EPHA6: variants seen among roughly 807,000 people sequenced by gnomAD.
EPHA6 encodes the protein EPH receptor A6.
EPHA6 carries 50 observed loss-of-function variants against 112.0 expected under a neutral mutation model. That is an observed-to-expected ratio of 0.45 (90% CI 0.36 to 0.56). EPHA6 has a LOEUF of 0.56. Among genes scored for constraint, EPHA6 ranks in the 20% least tolerant of loss-of-function variants. The probability of loss-of-function intolerance (pLI) is 0.00; values close to 1 mark genes in which losing one functional copy is unlikely to be tolerated. For synonymous variants in EPHA6, 529 were observed against 490.7 expected, an observed-to-expected ratio of 1.08 and a Z score of -1.03; for missense variants, 1,280 against 1,417.4, an observed-to-expected ratio of 0.90 and a Z score of 1.56.
chr3:97,279,507 A>T (rs2080215482), intron 5 of EPHA6, among the ~76,000 whole-genome samples: 1 of 152,090 alleles, frequency 6.6e-6, no homozygotes, highest in Non-Finnish European at 1.5e-5. Flanking sequence ...ATTTAAAAAA[A>T]AAAAAGCAGG....
intron 12 of EPHA6, among the ~76,000 whole-genome samples, chr3:97,593,133 G>T (rs556972635): frequency 2.0e-5 from 3 of 152,018 alleles, no homozygotes; most frequent in Admixed American, 2.0e-4. Flanking sequence ...AGAGTTGATA[G>T]AGAATTAAAG....
intron 7 of EPHA6, among the ~76,000 whole-genome samples, chr3:97,455,752 T>TA (rs1316169842): frequency 2.0e-5 from 3 of 151,830 alleles, no homozygotes; most frequent in African/African-American, 7.3e-5. Context: ...AGAGGCAAAA[T>TA]AATGCAGTTA....
chr3:96,914,601 G>A (rs758524065), intron 2 of EPHA6, among the ~76,000 whole-genome samples: 12 of 152,128 alleles, frequency 7.9e-5, no homozygotes, highest in East Asian at 5.8e-4. Flanking sequence ...TGAGGATACC[G>A]CTTCATAATG....
chr3:97,142,017 A>G (rs1210832151), intron 3 of EPHA6, among the ~76,000 whole-genome samples: 1 of 152,000 alleles, frequency 6.6e-6, no homozygotes, highest in African/African-American at 2.4e-5. Flanking sequence ...GACTTTGGAA[A>G]CAAGACATCA....
At chr3:97,259,430 G>C (rs762148243) in intron 5 of EPHA6, among the ~76,000 whole-genome samples, 5 of 152,002 alleles carry the variant, frequency 3.3e-5, no homozygotes, top group Non-Finnish European at 7.4e-5. Context: ...TCTTCAAAGT[G>C]ATGTAGGTGT....
rs536580021 is a variant in EPHA6 at position 97,204,027 on chromosome 3, A to G, written c.1115-22237A>G. 2.5e-4 allele frequency among the ~76,000 whole-genome samples: 38 copies of G among 152,258 alleles called. 1 individual carries two copies. In the South Asian group the frequency reaches 7.5e-3, roughly 30 times the overall value. ...AAGAAAAATAATGGCTGAAAGATGC[A>G]TGATGAAAGGTTGTATAATTATGTG... On this transcript the variant is annotated intron_variant, in intron 3 of 17. Coordinates refer to ENST00000389672, the MANE Select transcript of EPHA6 (RefSeq NM_001080448.3).
chr3:97,276,228 C>T (rs952695218), intron 5 of EPHA6, among the ~76,000 whole-genome samples: 1 of 152,128 alleles, frequency 6.6e-6, no homozygotes, highest in Non-Finnish European at 1.5e-5. Context: ...CCGAGGCGAT[C>T]GGGCAGTGTC....
chr3:97,039,869 G>A (rs2045252992), intron 3 of EPHA6, among the ~76,000 whole-genome samples: 1 of 151,910 alleles, frequency 6.6e-6, no homozygotes, highest in African/African-American at 2.4e-5. Context: ...CAGTCTCAAA[G>A]CCAGCCCTCG....
intron 5 of EPHA6, among the ~76,000 whole-genome samples, chr3:97,273,993 T>C (rs967215401): frequency 1.3e-5 from 2 of 152,166 alleles, no homozygotes; most frequent in African/African-American, 4.8e-5. Context: ...GGAGGAGGCC[T>C]GAACAATCCC....
intron 11 of EPHA6, among the ~76,000 whole-genome samples, chr3:97,551,708 A>G (rs1476811356): frequency 2.0e-5 from 3 of 152,170 alleles, no homozygotes; most frequent in Non-Finnish European, 4.4e-5. Flanking sequence ...TGGCTGAACT[A>G]TTCCATTACA....
chr3:97,333,435 T>G (rs1000360731), intron 5 of EPHA6, among the ~76,000 whole-genome samples: 7 of 151,652 alleles, frequency 4.6e-5, no homozygotes, highest in South Asian at 2.1e-4. Flanking sequence ...CAGAAAGAGT[T>G]TTATTTCTTC....
rs935150518 is a variant in EPHA6, at chr3:96,987,638, G to C, written c.759G>C (p.Gln253His). Residue 253 changes from glutamine (Q) to histidine (H), a missense_variant, in exon 3 of 18, where the codon CAG (glutamine) becomes CAC (histidine). Gln to His is a conservative substitution (Grantham distance 24). Coordinates refer to ENST00000389672, the MANE Select transcript of EPHA6 (RefSeq NM_001080448.3). The part of the protein sequence containing the change: ...DTIAADESFT[Q>H]MDLGDRILKL... ...TTGCTGCTGATGAGAGTTTTACCCA[G>C]ATGGATTTGGGTGATCGCATCCTCA... 6.2e-7 allele frequency: 1 copy of C among 1,610,712 alleles called. No individual in the cohort carries two copies. The highest frequency in any genetic ancestry group is 8.5e-7 in the Non-Finnish European group (1 of 1,177,324).
chr3:97,114,801 T>C (rs570857431), intron 3 of EPHA6, among the ~76,000 whole-genome samples: 2 of 152,064 alleles, frequency 1.3e-5, no homozygotes, highest in Admixed American at 6.6e-5. Flanking sequence ...GCATTGTTTT[T>C]TCTCTCAACA....
At chr3:97,072,415 C>T (rs1011897025) in intron 3 of EPHA6, among the ~76,000 whole-genome samples, 1 of 151,996 alleles carries the variant, frequency 6.6e-6, no homozygotes, top group African/African-American at 2.4e-5. Context: ...TGTGAAGACA[C>T]ATGAAGAACA....
chr3:97,425,675 T>C (rs183963247), intron 6 of EPHA6, among the ~76,000 whole-genome samples: 3 of 152,328 alleles, frequency 2.0e-5, no homozygotes, highest in Admixed American at 2.0e-4. Context: ...GGCTGTTCAT[T>C]ACTTATGCAA....
rs9877616 is a variant in EPHA6 at position 97,695,706 on chromosome 3, A to G, written c.2785-24555A>G. The stretch of plus-strand genomic sequence containing the variant: ...CAGGCAAGTGCCACCATGCCCAGCT[A>G]ATTTTTGTATTTTTAGTAGAGATGG... On this transcript the variant is annotated intron_variant, in intron 14 of 17. Coordinates refer to ENST00000389672, the MANE Select transcript of EPHA6 (RefSeq NM_001080448.3). Among the ~76,000 whole-genome samples the G allele has an allele frequency of 3.6e-3, 547 of 152,122 alleles. 3 individuals carry two copies. The highest frequency in any genetic ancestry group is 0.012 in the African/African-American group (499 of 41,512).
In EPHA6 at chr3:97,095,308, A is replaced by G. The variant is rs373058104; in HGVS notation, c.1114+107315A>G. ...CACACACTGGGGCCTGTCATGGGGT[A>G]GGGGGAAAAGGGAGGGATAGCATTA... On this transcript the variant is annotated intron_variant, in intron 3 of 17. Transcript: ENST00000389672. Among the ~76,000 whole-genome samples, 462 of 151,966 alleles carry G rather than the reference A, an allele frequency of 3.0e-3. 1 individual carries two copies. Among genetic ancestry groups the G allele is most frequent in the African/African-American group, 0.01 (426 of 41,508 alleles).
At chr3:97,403,850 T>A (rs1187953810) in intron 5 of EPHA6, among the ~76,000 whole-genome samples, 1 of 152,232 alleles carries the variant, frequency 6.6e-6, no homozygotes, top group South Asian at 2.1e-4. Flanking sequence ...GTAGTGTTTA[T>A]CCTATTGCCT....
At chr3:97,311,575 A>G (rs2081565219) in intron 5 of EPHA6, among the ~76,000 whole-genome samples, 1 of 151,716 alleles carries the variant, frequency 6.6e-6, no homozygotes, top group Non-Finnish European at 1.5e-5. Flanking sequence ...TTGCATTGGC[A>G]ACTTCAAAGA....
Sources: allele counts gnomAD v4.1 joint callset (sites outside exome capture counted in the v4.1 genomes callset), GRCh38; gene constraint gnomAD v4.1.1; transcripts MANE v1.5; gene names NCBI Gene and HGNC (gene_info 2026-07-23, HGNC 2026-07-21).